Variants in LRRC4C observed in about 807,000 individuals in gnomAD.
LRRC4C encodes leucine rich repeat containing 4C, also known as leucine-rich repeat-containing protein 4C.
Under a neutral mutation model 33.6 loss-of-function variants are expected in LRRC4C, and 5 were observed. That is an observed-to-expected ratio of 0.15 (90% CI 0.08 to 0.31). The LOEUF (loss-of-function observed/expected upper bound fraction) is 0.31, where lower values mean the gene tolerates loss of function less well. Among genes scored for constraint, LRRC4C ranks in the 10% least tolerant of loss-of-function variants. The pLI is 1.00. For missense variants in LRRC4C, 560 were observed against 796.7 expected (o/e 0.70, Z 3.58); for synonymous variants, 329 against 302.0 (o/e 1.09, Z -0.93).
chr11:40,752,908 G>T (rs754995835), intron 2 of LRRC4C, among the ~76,000 whole-genome samples: 4 of 152,044 alleles, frequency 2.6e-5, no homozygotes, highest in Non-Finnish European at 4.4e-5. Flanking sequence ...AGAAAATGTG[G>T]TAGGTATACA....
intron 1 of LRRC4C, among the ~76,000 whole-genome samples, chr11:41,395,698 A>G (rs1371280082): frequency 3.3e-5 from 5 of 151,998 alleles, no homozygotes; most frequent in African/African-American, 9.7e-5. Flanking sequence ...CAAGAATAAA[A>G]TGAAACTCCT....
At chr11:41,074,236 C>T (rs1835068996) in intron 1 of LRRC4C, among the ~76,000 whole-genome samples, 1 of 152,108 alleles carries the variant, frequency 6.6e-6, no homozygotes, top group South Asian at 2.1e-4. Flanking sequence ...GAGGCAACCC[C>T]TTCACTAACC....
intron 1 of LRRC4C, among the ~76,000 whole-genome samples, chr11:41,019,164 C>T (rs1855788288): frequency 6.6e-6 from 1 of 151,750 alleles, no homozygotes; most frequent in Non-Finnish European, 1.5e-5. Flanking sequence ...CCTCTAAGTT[C>T]CCTCCCCTCA....
At chr11:40,292,562 T>C (rs1309884167) in intron 4 of LRRC4C, 1 of 151,326 alleles carries the variant, frequency 6.6e-6, no homozygotes. Flanking sequence ...CAAAAATATC[T>C]CCTTGGCTCA....
chr11:40,982,968 C>G (rs181595770), intron 1 of LRRC4C, among the ~76,000 whole-genome samples: 483 of 152,214 alleles, frequency 3.2e-3, no homozygotes, highest in Non-Finnish European at 4.8e-3. Flanking sequence ...ATAATGGTCT[C>G]CAGCTCAATC....
intron 2 of LRRC4C, among the ~76,000 whole-genome samples, chr11:40,794,707 C>T (rs1950756941): frequency 6.6e-6 from 1 of 152,136 alleles, no homozygotes; most frequent in Non-Finnish European, 1.5e-5. Flanking sequence ...ATGAGTAATA[C>T]TGATAGAACA....
At chr11:40,828,636 G>GA (rs532108731) in intron 2 of LRRC4C, among the ~76,000 whole-genome samples, 2 of 151,412 alleles carry the variant, frequency 1.3e-5, no homozygotes, top group East Asian at 1.9e-4. Flanking sequence ...AAACTGACAG[G>GA]AAAAAAAATA....
chr11:40,546,635 T>G (rs1956936197), intron 3 of LRRC4C, among the ~76,000 whole-genome samples: 1 of 152,112 alleles, frequency 6.6e-6, no homozygotes, highest in Non-Finnish European at 1.5e-5. Context: ...AATAAATAGT[T>G]GCAATGCATA....
chr11:40,471,116 T>A (rs2138289746), intron 3 of LRRC4C, among the ~76,000 whole-genome samples: 1 of 151,976 alleles, frequency 6.6e-6, no homozygotes, highest in Non-Finnish European at 1.5e-5. Flanking sequence ...AAGGAAAAAA[T>A]GTTAAGGGCA....
chr11:40,250,804 T>G (rs1866731578), intron 4 of LRRC4C, among the ~76,000 whole-genome samples: 1 of 152,256 alleles, frequency 6.6e-6, no homozygotes, highest in African/African-American at 2.4e-5. Flanking sequence ...AAAAGTCATC[T>G]GACATTCCTT....
intron 3 of LRRC4C, among the ~76,000 whole-genome samples, chr11:40,468,215 C>A (rs1952749595): frequency 6.6e-6 from 1 of 152,096 alleles, no homozygotes; most frequent in Non-Finnish European, 1.5e-5. Flanking sequence ...TATGTATAAA[C>A]ATAAATATAC....
chr11:41,072,123 C>A (rs965779175), intron 1 of LRRC4C, among the ~76,000 whole-genome samples: 7 of 151,846 alleles, frequency 4.6e-5, no homozygotes, highest in African/African-American at 1.2e-4. Context: ...GGAATGGCAA[C>A]AAAGGATTCA....
intron 1 of LRRC4C, among the ~76,000 whole-genome samples, chr11:40,935,867 T>C (rs1023801305): frequency 1.3e-5 from 2 of 151,190 alleles, no homozygotes; most frequent in Non-Finnish European, 3.0e-5. Flanking sequence ...TGTTTAGTGA[T>C]GTAACTTCAT....
chr11:40,517,948 G>C (rs563428379), intron 3 of LRRC4C, among the ~76,000 whole-genome samples: 19 of 152,112 alleles, frequency 1.2e-4, no homozygotes, highest in African/African-American at 4.6e-4. Context: ...GGCCTCAGAA[G>C]TAAAACCACA....
chr11:40,643,251 G>C (rs1591355922), intron 3 of LRRC4C, among the ~76,000 whole-genome samples: 1 of 152,076 alleles, frequency 6.6e-6, no homozygotes, highest in Non-Finnish European at 1.5e-5. Flanking sequence ...AATTTAATAA[G>C]ACAGAAAAAT....
chr11:40,969,949 C>G (rs1165003839), intron 1 of LRRC4C, among the ~76,000 whole-genome samples: 1 of 152,150 alleles, frequency 6.6e-6, no homozygotes, highest in Admixed American at 6.6e-5. Flanking sequence ...ATCAATAGAA[C>G]AAGGCAGAAG....
At chr11:41,018,238 G>A (rs1855726731) in intron 1 of LRRC4C, among the ~76,000 whole-genome samples, 1 of 152,066 alleles carries the variant, frequency 6.6e-6, no homozygotes, top group African/African-American at 2.4e-5. Flanking sequence ...AAAAAATAAT[G>A]CTTACATTCA....
chr11:41,211,480 G>A (rs1325891104), intron 1 of LRRC4C, among the ~76,000 whole-genome samples: 2 of 150,822 alleles, frequency 1.3e-5, no homozygotes. Context: ...CCCTCCCCCT[G>A]CCCCCCATCC....
chr11:40,566,218 A>G (rs962465507), intron 3 of LRRC4C, among the ~76,000 whole-genome samples: 1 of 149,192 alleles, frequency 6.7e-6, no homozygotes, highest in Non-Finnish European at 1.5e-5. Context: ...TGTGTGTTGG[A>G]TATTCAATTG....
Sources: allele counts gnomAD v4.1 joint callset (sites outside exome capture counted in the v4.1 genomes callset), GRCh38; gene constraint gnomAD v4.1.1; transcripts MANE v1.5; gene names NCBI Gene and HGNC (gene_info 2026-07-23, HGNC 2026-07-21).